STK24: variants seen among roughly 807,000 people sequenced by gnomAD.
STK24 encodes serine/threonine-protein kinase 24.
In STK24, 21 loss-of-function variants were observed where a neutral mutation model predicts 55.6. The ratio of observed to expected loss-of-function variants is 0.38; its 90% CI spans 0.27 to 0.54. The LOEUF (loss-of-function observed/expected upper bound fraction) is 0.54, where lower values mean the gene tolerates loss of function less well. Among genes scored for constraint, STK24 ranks in the 20% least tolerant of loss-of-function variants. The pLI, the probability that STK24 is intolerant of heterozygous loss-of-function variation, is 0.79. For synonymous variants in STK24, 200 were observed against 215.2 expected, an observed-to-expected ratio of 0.93 and a Z score of 0.62; for missense variants, 383 against 538.4, an observed-to-expected ratio of 0.71 and a Z score of 2.86.
At chr13:98,457,435 T>C in intron 9 of STK24, 131 bp from the exon 10 acceptor site, 1 of 1,339,056 alleles carries the variant, frequency 7.5e-7, no homozygotes, top group Non-Finnish European at 1.0e-6. Flanking sequence ...GGGAAAAGCT[T>C]TGGCTAGGGC....
intron 9 of STK24, among the ~76,000 whole-genome samples, chr13:98,458,429 G>A (rs1566343163): frequency 6.6e-6 from 1 of 152,204 alleles, no homozygotes; most frequent in African/African-American, 2.4e-5. Context: ...CCTGCCCTAA[G>A]AGCAACGGCT....
chr13:98,455,300 G>C (rs1044170961), intron 10 of STK24: 1 of 152,188 alleles, frequency 6.6e-6, no homozygotes, highest in African/African-American at 2.4e-5. Flanking sequence ...AGCCTGGAGT[G>C]CAAACGTGAT....
chr13:98,576,380 C>T (rs1200323439), intron 1 of STK24, among the ~76,000 whole-genome samples: 4 of 152,014 alleles, frequency 2.6e-5, no homozygotes, highest in African/African-American at 4.8e-5. Flanking sequence ...CGGGACCCGG[C>T]GGGGGCCTCC....
At chr13:98,491,285 T>A (rs1215079601) in intron 2 of STK24, among the ~76,000 whole-genome samples, 2 of 152,188 alleles carry the variant, frequency 1.3e-5, no homozygotes, top group Non-Finnish European at 2.9e-5. Flanking sequence ...TTTTTAGGTA[T>A]GAGCATGGGG....
chr13:98,484,719 A>G (rs531368131), intron 2 of STK24, among the ~76,000 whole-genome samples: 1 of 152,306 alleles, frequency 6.6e-6, no homozygotes, highest in South Asian at 2.1e-4. Context: ...CCCTAGCAAG[A>G]CACCTCAACC....
intron 5 of STK24, among the ~76,000 whole-genome samples, chr13:98,468,162 C>G (rs1205107109): frequency 6.6e-6 from 1 of 152,176 alleles, no homozygotes; most frequent in Non-Finnish European, 1.5e-5. Flanking sequence ...CTACTGGAAG[C>G]CCCCAAGCCC....
intron 1 of STK24, among the ~76,000 whole-genome samples, chr13:98,566,267 C>T (rs1347005078): frequency 2.6e-5 from 4 of 152,208 alleles, no homozygotes; most frequent in African/African-American, 9.7e-5. Context: ...GAAATAAAAA[C>T]GCCCAAAACA....
At chr13:98,555,493 G>A (rs544665467) in intron 1 of STK24, among the ~76,000 whole-genome samples, 6 of 151,338 alleles carry the variant, frequency 4.0e-5, no homozygotes, top group Non-Finnish European at 8.8e-5. Context: ...GCAGCAGAAC[G>A]GCATGAACCC....
At chr13:98,498,945 C>T (rs1247537867) in intron 2 of STK24, among the ~76,000 whole-genome samples, 2 of 151,700 alleles carry the variant, frequency 1.3e-5, no homozygotes, top group Admixed American at 1.3e-4. Flanking sequence ...CCATCCTCAA[C>T]GGTTCCTTTG....
At chr13:98,517,174 A>G (rs1369636622) in intron 2 of STK24, among the ~76,000 whole-genome samples, 2 of 152,250 alleles carry the variant, frequency 1.3e-5, no homozygotes, top group Non-Finnish European at 2.9e-5. Flanking sequence ...CAAAACCATC[A>G]TAATAATTCA....
chr13:98,562,796 G>A (rs1261551875), intron 1 of STK24, among the ~76,000 whole-genome samples: 1 of 151,506 alleles, frequency 6.6e-6, no homozygotes, highest in Non-Finnish European at 1.5e-5. Context: ...GGCGCCTGCA[G>A]TCCCAGCTAC....
At chr13:98,552,891 T>C (rs1238140774) in intron 1 of STK24, among the ~76,000 whole-genome samples, 6 of 152,172 alleles carry the variant, frequency 3.9e-5, no homozygotes, top group Middle Eastern at 3.4e-3. Flanking sequence ...GGTGGATGCA[T>C]GTCACTATAC....
intron 1 of STK24, among the ~76,000 whole-genome samples, chr13:98,556,408 C>A (rs1342119814): frequency 2.0e-5 from 3 of 152,210 alleles, no homozygotes; most frequent in African/African-American, 7.2e-5. Flanking sequence ...TCACGTTCCA[C>A]TGTACTGGAA....
At chr13:98,559,909 G>A (rs145391558) in intron 1 of STK24, among the ~76,000 whole-genome samples, 144 of 151,090 alleles carry the variant, frequency 9.5e-4, no homozygotes, top group African/African-American at 3.2e-3. Context: ...GCAGCCACTC[G>A]AGGCTGAGGC....
intron 2 of STK24, among the ~76,000 whole-genome samples, chr13:98,486,723 C>T (rs1234982947): frequency 5.3e-5 from 8 of 152,244 alleles, no homozygotes; most frequent in Non-Finnish European, 1.2e-4. Context: ...CTGAACTACA[C>T]CCACGATGGA....
chr13:98,556,451 A>G (rs1011011839), intron 1 of STK24, among the ~76,000 whole-genome samples: 4 of 152,192 alleles, frequency 2.6e-5, no homozygotes, highest in African/African-American at 4.8e-5. Flanking sequence ...CAGTGCTGTG[A>G]GCAGATGAAT....
chr13:98,502,014 C>T (rs1895482716), intron 2 of STK24, among the ~76,000 whole-genome samples: 1 of 152,188 alleles, frequency 6.6e-6, no homozygotes, highest in African/African-American at 2.4e-5. Flanking sequence ...AGCTCTCCAA[C>T]CCTAAGCCAG....
intron 1 of STK24, among the ~76,000 whole-genome samples, chr13:98,569,838 ATG>A (rs1566410397): frequency 5.6e-4 from 83 of 148,328 alleles, no homozygotes; most frequent in African/African-American, 1.9e-3. Context: ...TCTATAGACA[ATG>A]CCTGAAACCA....
At chr13:98,464,010 G>T (rs763065297) in intron 6 of STK24, among the ~76,000 whole-genome samples, 174 bp from the exon 7 acceptor site, 12 of 152,126 alleles carry the variant, frequency 7.9e-5, no homozygotes, top group Non-Finnish European at 1.3e-4. Context: ...CAGGACCTAC[G>T]CCTGGGCTCT....
Sources: gnomAD v4.1 joint callset for allele counts (sites outside exome capture counted in the v4.1 genomes callset) on GRCh38, gnomAD v4.1.1 for gene constraint, MANE v1.5 for transcripts, NCBI Gene and HGNC (gene_info 2026-07-23, HGNC 2026-07-21) for gene names.